Variants in CLDN10 observed in about 807,000 individuals in gnomAD.
CLDN10 encodes claudin 10, also known as claudin-10.
In CLDN10, 15 loss-of-function variants were observed where a neutral mutation model predicts 22.9. The ratio of observed to expected loss-of-function variants is 0.65; its 90% CI spans 0.44 to 1.01. The LOEUF is 1.01. Among genes scored for constraint, CLDN10 ranks in the 50% least tolerant of loss-of-function variants. The pLI, the probability that CLDN10 is intolerant of heterozygous loss-of-function variation, is 0.00. For missense variants in CLDN10, 247 were observed against 287.8 expected (o/e 0.86, Z 1.03); for synonymous variants, 114 against 111.4 (o/e 1.02, Z -0.15).
chr13:95,552,637 T>A, upstream of CLDN10: 1 of 1,215,680 alleles, frequency 8.2e-7, no homozygotes, highest in South Asian at 1.8e-5. Context: ...CTGGGCGGGG[T>A]GGTGGGCGGG....
chr13:95,524,875 TTGAGACAGAG>T, intron 1 of CLDN10, among the ~76,000 whole-genome samples: 1 of 139,286 alleles, frequency 7.2e-6, no homozygotes, highest in African/African-American at 2.5e-5. Flanking sequence ...ATTTTTTTTT[TTGAGACAGAG>T]TTTCACTCTT....
intron 1 of CLDN10, among the ~76,000 whole-genome samples, chr13:95,509,054 T>C (rs1250131739): frequency 6.6e-6 from 1 of 152,150 alleles, no homozygotes; most frequent in Non-Finnish European, 1.5e-5. Flanking sequence ...GTCCACTGCC[T>C]AGATGATTAG....
chr13:95,562,121 AG>A (rs1244881324), intron 3 of CLDN10, among the ~76,000 whole-genome samples: 1 of 149,822 alleles, frequency 6.7e-6, no homozygotes, highest in Non-Finnish European at 1.5e-5. Context: ...TAGTAGGGAC[AG>A]GGCTTCACCA....
intron 1 of CLDN10, among the ~76,000 whole-genome samples, chr13:95,505,285 C>T (rs1243786037): frequency 6.6e-6 from 1 of 152,124 alleles, no homozygotes; most frequent in Non-Finnish European, 1.5e-5. Flanking sequence ...ATCTGGTTCT[C>T]TCTCTCTGGA....
intron 1 of CLDN10, among the ~76,000 whole-genome samples, chr13:95,469,465 T>C (rs1299272121): frequency 6.6e-6 from 1 of 152,106 alleles, no homozygotes; most frequent in African/African-American, 2.4e-5. Context: ...AGGAGGAAAA[T>C]GTAAAGTTTT....
At chr13:95,575,081 A>G (rs1454856645) in intron 3 of CLDN10, among the ~76,000 whole-genome samples, 1 of 152,206 alleles carries the variant, frequency 6.6e-6, no homozygotes, top group Admixed American at 6.5e-5. Flanking sequence ...TGGCACTGGC[A>G]TTCTATTTTA....
intron 3 of CLDN10, among the ~76,000 whole-genome samples, chr13:95,573,924 A>C (rs187928759): frequency 1.2e-3 from 188 of 150,642 alleles, no homozygotes; most frequent in African/African-American, 4.2e-3. Context: ...CCTGTGTCCA[A>C]GTGATCTCAT....
At chr13:95,529,480 T>G (rs1490652524) in intron 1 of CLDN10, among the ~76,000 whole-genome samples, 2 of 152,220 alleles carry the variant, frequency 1.3e-5, no homozygotes, top group African/African-American at 4.8e-5. Flanking sequence ...ATTTTTTTGG[T>G]GCTGCCAAGG....
intron 1 of CLDN10, among the ~76,000 whole-genome samples, chr13:95,495,071 T>C (rs922353231): frequency 7.2e-5 from 11 of 151,948 alleles, no homozygotes; most frequent in Non-Finnish European, 1.5e-5. Flanking sequence ...AGTCTCTCTC[T>C]GTTGCCCAGG....
At chr13:95,449,288 G>C (rs568197746) in intron 1 of CLDN10, among the ~76,000 whole-genome samples, 1 of 151,860 alleles carries the variant, frequency 6.6e-6, no homozygotes, top group South Asian at 2.1e-4. Context: ...ATCTCGCTCT[G>C]TTGCCCAGGC....
Position 95,579,670 on chromosome 13 carries a change from A to G in CLDN10, c.*1656A>G, listed in dbSNP as rs150086174. 6.6e-6 allele frequency: 1 copy of G among 152,220 alleles called. No homozygotes were observed. Among genetic ancestry groups the G allele is most frequent in the East Asian group, 1.9e-4 (1 of 5,202 alleles). 9.4% of individuals were successfully genotyped at this position (152,220 alleles called of 1,614,324 possible). ...GAAGTGTGAAAGACTTAAAAAAAAG[A>G]ATCACATTGTTCAGAGGTGCTCAAT... On this transcript the variant is annotated 3_prime_UTR_variant, in exon 5 of 5. Coordinates refer to ENST00000299339, the MANE Select transcript of CLDN10 (RefSeq NM_006984.5).
intron 1 of CLDN10, among the ~76,000 whole-genome samples, chr13:95,512,132 G>GTTTTT (rs1408615781): frequency 1.3e-3 from 13 of 10,260 alleles, no homozygotes; most frequent in East Asian, 9.2e-3. Flanking sequence ...TTTTTTTTTG[G>GTTTTT]TTTTTGTTTG....
intron 1 of CLDN10, among the ~76,000 whole-genome samples, chr13:95,515,749 C>T (rs1177169727): frequency 6.6e-6 from 1 of 152,142 alleles, no homozygotes; most frequent in East Asian, 1.9e-4. Context: ...TTGTAGAACG[C>T]GAGCCCAGAG....
intron 1 of CLDN10, among the ~76,000 whole-genome samples, chr13:95,494,522 C>T (rs1000554978): frequency 7.9e-5 from 12 of 152,068 alleles, no homozygotes; most frequent in Admixed American, 4.6e-4. Flanking sequence ...TTGGTGTTGA[C>T]GTTTATCTCT....
In CLDN10 at chr13:95,578,135, G is replaced by T; in HGVS notation, c.*121G>T. The stretch of plus-strand genomic sequence containing the variant: ...ACTATTTTTAAAATATGCATTTGAA[G>T]CATCTGTTGATTGTATGGATGTAAG... On this transcript the variant is annotated 3_prime_UTR_variant, in exon 5 of 5. Transcript: ENST00000299339. 1.7e-6 allele frequency: 1 copy of T among 590,894 alleles called. No individual in the cohort carries two copies. Among genetic ancestry groups the T allele is most frequent in the Non-Finnish European group, 3.0e-6 (1 of 330,528 alleles). The allele number at this position is 590,894 out of a possible 1,614,324, so 36.6% of individuals were successfully genotyped here.
chr13:95,525,683 G>C (rs1042403098), intron 1 of CLDN10, among the ~76,000 whole-genome samples: 3 of 151,928 alleles, frequency 2.0e-5, no homozygotes, highest in Non-Finnish European at 2.9e-5. Context: ...GTAGAGACCA[G>C]GTTTTGCCAT....
intron 1 of CLDN10, among the ~76,000 whole-genome samples, chr13:95,505,033 G>A (rs1013398864): frequency 5.3e-5 from 8 of 152,186 alleles, no homozygotes; most frequent in Non-Finnish European, 1.2e-4. Context: ...CAGGGAATTA[G>A]GGTAATAGCC....
intron 3 of CLDN10, among the ~76,000 whole-genome samples, chr13:95,563,095 A>ACTCTCTCCCTCTCTCTCT (rs1555300133): frequency 7.8e-6 from 1 of 128,066 alleles, no homozygotes; most frequent in Admixed American, 7.7e-5. Context: ...CTGCCTACCC[A>ACTCTCTCCCTCTCTCTCT]CTCTCTCTCT....
At chr13:95,571,893 T>G (rs1329327169) in intron 3 of CLDN10, among the ~76,000 whole-genome samples, 1 of 152,214 alleles carries the variant, frequency 6.6e-6, no homozygotes, top group Non-Finnish European at 1.5e-5. Context: ...TGGCTGTTAC[T>G]ACTCTTGATT....
Sources: allele counts gnomAD v4.1 joint callset (sites outside exome capture counted in the v4.1 genomes callset), GRCh38; gene constraint gnomAD v4.1.1; transcripts MANE v1.5; gene names NCBI Gene and HGNC (gene_info 2026-07-23, HGNC 2026-07-21).